The following KLHL8 variants were observed in gnomAD, a reference collection of about 807,000 sequenced individuals.
The protein encoded by KLHL8 is kelch-like protein 8.
In KLHL8, 38 loss-of-function variants were observed where a neutral mutation model predicts 63.5. That is an observed-to-expected ratio of 0.60 (90% CI 0.46 to 0.78). KLHL8 has a LOEUF of 0.78. Ranked by LOEUF, KLHL8 falls within the 30% of genes least tolerant of loss-of-function variation. KLHL8 has a pLI of 0.00. For synonymous variants in KLHL8, 224 were observed against 254.3 expected, an observed-to-expected ratio of 0.88 and a Z score of 1.13; for missense variants, 566 against 752.4, an observed-to-expected ratio of 0.75 and a Z score of 2.90.
intron 8 of KLHL8, among the ~76,000 whole-genome samples, chr4:87,168,745 C>T (rs1440958455): frequency 5.1e-5 from 7 of 136,686 alleles, no homozygotes; most frequent in African/African-American, 8.4e-5. Flanking sequence ...TGTATATATA[C>T]GTGTATATAT....
intron 7 of KLHL8, 22 bp downstream of exon 7, chr4:87,170,425 G>T: frequency 6.3e-7 from 1 of 1,578,578 alleles, no homozygotes. Flanking sequence ...GTAATTTAAT[G>T]ACAAGTTGCC....
intron 2 of KLHL8, among the ~76,000 whole-genome samples, chr4:87,187,672 T>C (rs1040905158): frequency 6.6e-6 from 1 of 152,114 alleles, no homozygotes; most frequent in African/African-American, 2.4e-5. Flanking sequence ...ATATTCTATA[T>C]TTACTTCACG....
In KLHL8 at chr4:87,204,612, C is replaced by G. The variant is rs1448196289; in HGVS notation, c.-151-8922G>C. On this transcript the variant is annotated intron_variant, in intron 1 of 9. Coordinates refer to ENST00000273963, the MANE Select transcript of KLHL8 (RefSeq NM_020803.5). The stretch of plus-strand genomic sequence containing the variant: ...TAAACAAACTGTGGGTACACCCATA[C>G]AATAGAACACTACCTCACAATAAAA... Among the ~76,000 whole-genome samples the G allele has an allele frequency of 5.9e-5, 9 of 152,326 alleles. No homozygotes were observed. In the East Asian group the frequency reaches 1.7e-3, roughly 29 times the overall value.
chr4:87,171,521 T>C (rs1266889693), intron 6 of KLHL8, among the ~76,000 whole-genome samples: 1 of 152,228 alleles, frequency 6.6e-6, no homozygotes, highest in Admixed American at 6.5e-5. Context: ...TTCTCTTGGG[T>C]ATAAAGCTAT....
At chr4:87,200,394 T>G (rs1230314013) in intron 1 of KLHL8, among the ~76,000 whole-genome samples, 1 of 152,216 alleles carries the variant, frequency 6.6e-6, no homozygotes, top group African/African-American at 2.4e-5. Flanking sequence ...TCTAGATTAC[T>G]TATGATACCT....
chr4:87,224,066 T>C (rs1389556026), upstream of KLHL8, among the ~76,000 whole-genome samples: 2 of 152,150 alleles, frequency 1.3e-5, no homozygotes, highest in Non-Finnish European at 2.9e-5. Context: ...TTTGCATTTT[T>C]TTTTTTTAAA....
upstream of KLHL8, among the ~76,000 whole-genome samples, chr4:87,222,975 CAG>C (rs577395622): frequency 6.6e-4 from 100 of 152,174 alleles, no homozygotes; most frequent in Non-Finnish European, 1.2e-3. Context: ...ATTTTAGAGA[CAG>C]AGTCTCACTC....
intron 2 of KLHL8, among the ~76,000 whole-genome samples, chr4:87,190,644 T>TAAA (rs34153862): frequency 1.4e-5 from 2 of 142,960 alleles, no homozygotes; most frequent in African/African-American, 5.2e-5. Context: ...ACTCTGTCTT[T>TAAA]AAAAAAAAAA....
At chr4:87,200,622 G>C (rs1339596930) in intron 1 of KLHL8, among the ~76,000 whole-genome samples, 1 of 152,152 alleles carries the variant, frequency 6.6e-6, no homozygotes, top group Non-Finnish European at 1.5e-5. Flanking sequence ...CACCTGTTGG[G>C]ATGGGGAAAG....
chr4:87,231,886 C>T (rs1230186425), intron 1 of KLHL8, among the ~76,000 whole-genome samples: 1 of 152,236 alleles, frequency 6.6e-6, no homozygotes, highest in Non-Finnish European at 1.5e-5. Context: ...GCGTGAGCCA[C>T]CATGCCCGGT....
intron 1 of KLHL8, chr4:87,207,284 T>C: frequency 3.4e-6 from 2 of 587,012 alleles, no homozygotes; most frequent in East Asian, 3.8e-5. Context: ...AATGGGAAGC[T>C]TGTCATCAGT....
At chr4:87,207,090 T>C (rs1018957532) in intron 1 of KLHL8, 3 of 491,788 alleles carry the variant, frequency 6.1e-6, no homozygotes, top group Non-Finnish European at 1.2e-5. Context: ...GCTGAGGTAG[T>C]GAAGGTGATG....
chr4:87,223,269 T>C (rs1171644553), upstream of KLHL8, among the ~76,000 whole-genome samples: 7 of 152,064 alleles, frequency 4.6e-5, no homozygotes. Flanking sequence ...CCACCATTCC[T>C]GGCCACTTTT....
chr4:87,185,811 A>T lies in KLHL8; in HGVS notation c.217-12T>A. On this transcript the variant is annotated splice_polypyrimidine_tract_variant and intron_variant, in intron 2 of 9. Transcript: ENST00000273963. ...AGCTTTGAGCCAACCTGTTCAAAAGAAACCAAGAAAGATTCTGTTTAATAT... is the reference window on the plus strand; with the variant it reads ...AGCTTTGAGCCAACCTGTTCAAAAGTAACCAAGAAAGATTCTGTTTAATAT... 1 of 1,556,492 alleles carries T rather than the reference A, an allele frequency of 6.4e-7. No homozygotes were observed. The highest frequency in any genetic ancestry group is 8.7e-7 in the Non-Finnish European group (1 of 1,152,432).
intron 1 of KLHL8, among the ~76,000 whole-genome samples, chr4:87,235,260 A>G (rs1051120196): frequency 7.2e-5 from 11 of 152,094 alleles, no homozygotes; most frequent in Non-Finnish European, 1.3e-4. Flanking sequence ...TGCCCTATAC[A>G]AGTATCATTT....
chr4:87,169,042 T>G (rs192177361), intron 8 of KLHL8, among the ~76,000 whole-genome samples: 1 of 151,594 alleles, frequency 6.6e-6, no homozygotes, highest in Admixed American at 6.6e-5. Flanking sequence ...TGGTGGCTCA[T>G]GCCTGTAATC....
At chr4:87,226,888 T>A (rs528385413) in intron 1 of KLHL8, among the ~76,000 whole-genome samples, 11 of 29,668 alleles carry the variant, frequency 3.7e-4, no homozygotes, top group South Asian at 2.0e-3. Flanking sequence ...TAATATATAT[T>A]ATATATAAAT....
chr4:87,235,202 G>A (rs939648832), intron 1 of KLHL8, among the ~76,000 whole-genome samples: 2 of 152,128 alleles, frequency 1.3e-5, no homozygotes, highest in Non-Finnish European at 2.9e-5. Flanking sequence ...CTCACTCCCT[G>A]ACTCACCCAG....
chr4:87,172,965 C>T (rs1384909924), intron 6 of KLHL8, among the ~76,000 whole-genome samples: 2 of 152,040 alleles, frequency 1.3e-5, no homozygotes, highest in Non-Finnish European at 2.9e-5. Flanking sequence ...TAATTCAAAG[C>T]CCATCAGATA....
Sources: gnomAD v4.1 joint callset for allele counts (sites outside exome capture counted in the v4.1 genomes callset) on GRCh38, gnomAD v4.1.1 for gene constraint, MANE v1.5 for transcripts, NCBI Gene and HGNC (gene_info 2026-07-23, HGNC 2026-07-21) for gene names.